Variants in ITGB6 observed in about 807,000 individuals in gnomAD.
The protein encoded by ITGB6 is integrin subunit beta 6.
Under a neutral mutation model 84.5 loss-of-function variants are expected in ITGB6, and 80 were observed. The observed-to-expected ratio is 0.95, with a 90% CI of 0.79 to 1.14. The LOEUF is 1.14. Among genes scored for constraint, ITGB6 ranks in the 50% most tolerant of loss-of-function variants. The pLI, the probability that ITGB6 is intolerant of heterozygous loss-of-function variation, is 0.00. For synonymous variants in ITGB6, 383 were observed against 354.9 expected (o/e 1.08, Z -0.89); for missense variants, 1,006 against 968.0 (o/e 1.04, Z -0.52).
intron 7 of ITGB6, among the ~76,000 whole-genome samples, chr2:160,164,501 G>C (rs1255948844): frequency 6.6e-6 from 1 of 152,062 alleles, no homozygotes. Context: ...AGATCAGTTT[G>C]GCTAACTAAC....
At chr2:160,193,077 G>A in intron 4 of ITGB6, among the ~76,000 whole-genome samples, 1 of 152,086 alleles carries the variant, frequency 6.6e-6, no homozygotes, top group East Asian at 1.9e-4. Flanking sequence ...AAACAATTTG[G>A]TAGTTTCTTT....
intron 7 of ITGB6, among the ~76,000 whole-genome samples, chr2:160,160,349 C>A (rs1222457310): frequency 6.6e-6 from 1 of 152,196 alleles, no homozygotes; most frequent in African/African-American, 2.4e-5. Context: ...GCTTACTTGA[C>A]ATTCGAATTT....
At chr2:160,127,752 G>T (rs1270087380) in intron 10 of ITGB6, among the ~76,000 whole-genome samples, 1 of 152,162 alleles carries the variant, frequency 6.6e-6, no homozygotes, top group African/African-American at 2.4e-5. Flanking sequence ...GCACGTAAAA[G>T]ATATTTGATG....
At chr2:160,135,988 G>T (rs1255328935) in intron 10 of ITGB6, among the ~76,000 whole-genome samples, 4 of 152,174 alleles carry the variant, frequency 2.6e-5, no homozygotes, top group African/African-American at 9.7e-5. Flanking sequence ...CGGGACATAG[G>T]CATGAGCAAG....
intron 7 of ITGB6, among the ~76,000 whole-genome samples, chr2:160,156,865 T>C (rs999718142): frequency 9.9e-5 from 15 of 152,244 alleles, no homozygotes; most frequent in African/African-American, 3.6e-4. Flanking sequence ...TGGCAATGGC[T>C]ATCTTCGACT....
intron 7 of ITGB6, among the ~76,000 whole-genome samples, chr2:160,162,246 A>T (rs1015264381): frequency 5.9e-5 from 9 of 152,134 alleles, no homozygotes; most frequent in Non-Finnish European, 1.0e-4. Context: ...AAAATATAAT[A>T]AAAAACCCCA....
Position 160,195,099 on chromosome 2 carries a change from G to A in ITGB6, c.593+270C>T, listed in dbSNP as rs2168672. Among the ~76,000 whole-genome samples the A allele has an allele frequency of 0.21, 31,431 of 152,108 alleles. 7,189 individuals carry two copies. The highest frequency in any genetic ancestry group is 0.55 in the African/African-American group (22,804 of 41,458). On this transcript the variant is annotated intron_variant, in intron 4 of 14. Transcript: ENST00000283249. Reference sequence around the variant, plus strand: ...CTATGGTGAAAGTCTTGGTTCCCTCGCCTGCATAACACGCATTCTGGTTTG... The same window carrying A: ...CTATGGTGAAAGTCTTGGTTCCCTCACCTGCATAACACGCATTCTGGTTTG...
chr2:160,120,217 C>T (rs1220794604), intron 12 of ITGB6, among the ~76,000 whole-genome samples: 1 of 151,780 alleles, frequency 6.6e-6, no homozygotes, highest in East Asian at 1.9e-4. Context: ...CACATGCACA[C>T]GTATGTTTAT....
chr2:160,136,891 G>T (rs1272006265), intron 10 of ITGB6, among the ~76,000 whole-genome samples: 1 of 151,572 alleles, frequency 6.6e-6, no homozygotes, highest in Non-Finnish European at 1.5e-5. Flanking sequence ...TCACACACTG[G>T]GGCCTGTTGT....
At chr2:160,191,233 CTT>C in intron 4 of ITGB6, among the ~76,000 whole-genome samples, 1 of 152,226 alleles carries the variant, frequency 6.6e-6, no homozygotes, top group East Asian at 1.9e-4. Context: ...CTTTATAACT[CTT>C]TATAGAAATC....
At chr2:160,159,760 C>T (rs1029872836) in intron 7 of ITGB6, among the ~76,000 whole-genome samples, 7 of 152,196 alleles carry the variant, frequency 4.6e-5, no homozygotes, top group African/African-American at 1.4e-4. Context: ...TGGAAAGGCA[C>T]CTTCCATGAA....
intron 13 of ITGB6, among the ~76,000 whole-genome samples, chr2:160,109,876 G>GA (rs1178348111): frequency 3.9e-5 from 6 of 152,124 alleles, no homozygotes; most frequent in African/African-American, 1.4e-4. Flanking sequence ...CTGTAAGGGT[G>GA]AAATACACAC....
intron 4 of ITGB6, among the ~76,000 whole-genome samples, chr2:160,177,880 A>G (rs1382567860): frequency 1.5e-5 from 2 of 134,276 alleles, no homozygotes; most frequent in African/African-American, 2.4e-5. Context: ...ACAGTTATCT[A>G]TCTTATTTTT....
intron 4 of ITGB6, among the ~76,000 whole-genome samples, chr2:160,188,754 C>T (rs533688146): frequency 1.3e-5 from 2 of 152,164 alleles, no homozygotes; most frequent in African/African-American, 4.8e-5. Context: ...CAGGCATGTG[C>T]CCCCATGCCT....
Position 160,172,689 on chromosome 2 carries a change from G to T in ITGB6, c.801C>A (p.Val267=). 1 of 1,607,004 alleles carries T rather than the reference G, an allele frequency of 6.2e-7. No homozygotes were observed. Among genetic ancestry groups the T allele is most frequent in the Non-Finnish European group, 8.5e-7 (1 of 1,173,934 alleles). Residue 267 remains valine, a synonymous_variant, in exon 6 of 15, where the codon GTC becomes GTA. Transcript: ENST00000283249. ...AATGAGAATCAGCATCACTCACAAAGACCAGGAGGTGGAGGGAGTCATTCC... is the reference window on the plus strand; with the variant it reads ...AATGAGAATCAGCATCACTCACAAATACCAGGAGGTGGAGGGAGTCATTCC... The part of the protein sequence containing the change: ...GWRNDSLHLL[V]FVSDADSHFG...
At chr2:160,139,531 G>C (rs558198597) in intron 8 of ITGB6, among the ~76,000 whole-genome samples, 3 of 152,132 alleles carry the variant, frequency 2.0e-5, no homozygotes, top group Admixed American at 6.5e-5. Context: ...AGAGTCAGGA[G>C]CTAAATAAAA....
At chr2:160,102,614 G>A (rs1483017611) in intron 14 of ITGB6, among the ~76,000 whole-genome samples, 1 of 152,222 alleles carries the variant, frequency 6.6e-6, no homozygotes, top group Admixed American at 6.5e-5. Context: ...GGGTAGCTCA[G>A]CTGTGCTGTT....
rs746655063 is a variant in ITGB6, at chr2:160,137,533, G to C, written c.1561C>G (p.Gln521Glu). 6.2e-7 allele frequency: 1 copy of C among 1,614,208 alleles called. No individual in the cohort carries two copies. Among genetic ancestry groups the C allele is most frequent in the Non-Finnish European group, 8.5e-7 (1 of 1,180,016 alleles). Residue 521 changes from glutamine (Q) to glutamate (E), a missense_variant, in exon 10 of 15, where the codon CAG (glutamine) becomes GAG (glutamate). Coordinates refer to ENST00000283249, the MANE Select transcript of ITGB6 (RefSeq NM_000888.5). Reference sequence around the variant, plus strand: ...TAGGGAGACAAGTGGCAGATACACTGCCCACAGTAGCAGTCACCCCTTCCG... The same window carrying C: ...TAGGGAGACAAGTGGCAGATACACTCCCCACAGTAGCAGTCACCCCTTCCG... The part of the protein sequence containing the change: ...CSGRGDCYCG[Q>E]CICHLSPYGN...
In ITGB6 at chr2:160,199,983, T is replaced by A. The variant is rs781476789; in HGVS notation, c.61+20A>T. On this transcript the variant is annotated intron_variant, in intron 1 of 14. Coordinates refer to ENST00000283249, the MANE Select transcript of ITGB6 (RefSeq NM_000888.5). Reference sequence around the variant, plus strand: ...TCAAGCATACCACGAAAGTAATATATCAGAGAACGCAGGTCTTACCTTGTA... The same window carrying A: ...TCAAGCATACCACGAAAGTAATATAACAGAGAACGCAGGTCTTACCTTGTA... The A allele has an allele frequency of 6.3e-7, 1 of 1,594,232 alleles. No individual in the cohort carries two copies. Among genetic ancestry groups the A allele is most frequent in the Non-Finnish European group, 8.6e-7 (1 of 1,163,224 alleles).
Sources: gnomAD v4.1 joint callset for allele counts (sites outside exome capture counted in the v4.1 genomes callset) on GRCh38, gnomAD v4.1.1 for gene constraint, MANE v1.5 for transcripts, NCBI Gene and HGNC (gene_info 2026-07-23, HGNC 2026-07-21) for gene names.